The following ARFGAP1 variants were observed in gnomAD, a reference collection of about 807,000 sequenced individuals.
The protein encoded by ARFGAP1 is ARF GTPase activating protein 1, also known as ADP-ribosylation factor GTPase-activating protein 1.
In ARFGAP1, 26 loss-of-function variants were observed where a neutral mutation model predicts 54.0. The observed-to-expected ratio is 0.48, with a 90% confidence interval of 0.35 to 0.67. The LOEUF (loss-of-function observed/expected upper bound fraction) is 0.67, where lower values mean the gene tolerates loss of function less well. ARFGAP1 is among the 30% of genes least tolerant of loss of function. ARFGAP1 has a pLI of 0.00. For missense variants in ARFGAP1, 525 were observed against 535.8 expected (o/e 0.98, Z 0.20); for synonymous variants, 248 against 211.9 (o/e 1.17, Z -1.48).
chr20:63,277,104 G>A (rs1199162988), intron 4 of ARFGAP1, 101 bp from the exon 5 acceptor site: 4 of 969,782 alleles, frequency 4.1e-6, no homozygotes, highest in Non-Finnish European at 3.1e-6. Context: ...GCGGGTGGTG[G>A]GTGCTCCAGG....
intron 12 of ARFGAP1, among the ~76,000 whole-genome samples, chr20:63,287,274 C>G (rs1306570995): frequency 6.6e-6 from 1 of 152,266 alleles, no homozygotes; most frequent in African/African-American, 2.4e-5. Context: ...CTTGACTAAA[C>G]CACTGTTTTA....
Position 63,285,636 on chromosome 20 carries a change from C to T in ARFGAP1, c.775-18C>T, listed in dbSNP as rs2067513427. ...ATCTCTCCCGCCCCCATTAATGCCG[C>T]TGTCTTCATCCGTGCAGGTGAAGGA... is the stretch of plus-strand genomic sequence containing the variant. On this transcript the variant is annotated intron_variant, in intron 10 of 12. Coordinates refer to ENST00000370283, the MANE Select transcript of ARFGAP1 (RefSeq NM_018209.4). 1 of 1,613,020 alleles carries T rather than the reference C, an allele frequency of 6.2e-7. No individual in the cohort carries two copies. Among genetic ancestry groups the T allele is most frequent in the African/African-American group, 1.3e-5 (1 of 74,926 alleles).
In ARFGAP1 at chr20:63,279,123, TC is replaced by T. The variant is rs1027870065; in HGVS notation, c.627+131del. On this transcript the variant is annotated intron_variant, in intron 7 of 12. Transcript: ENST00000370283. Reference sequence around the variant, plus strand: ...TGCCTTGTTCTGATCTAAGGACCCCTCCCTTACCTTCAGCGACGTTTTCTTT... The same window carrying T: ...TGCCTTGTTCTGATCTAAGGACCCCTCCTTACCTTCAGCGACGTTTTCTTT... 2.0e-4 allele frequency: 185 copies of T among 929,978 alleles called. 3 individuals are homozygous for T. The Middle Eastern group carries it at 7.7e-3, about 39-fold the overall frequency. 57.6% of individuals were successfully genotyped at this position (929,978 alleles called of 1,614,324 possible).
rs2067634355 is a variant in ARFGAP1 at position 63,288,730 on chromosome 20, C to T, written c.*857C>T. 1.4e-5 allele frequency: 5 copies of T among 351,150 alleles called. No individual in the cohort carries two copies. The Admixed American group carries it at 1.5e-4, about 11-fold the overall frequency. The allele number at this position is 351,150 out of a possible 1,614,324, so 21.8% of individuals were successfully genotyped here. On this transcript the variant is annotated 3_prime_UTR_variant, in exon 13 of 13. Transcript: ENST00000370283. ...GTGCCTGGGTCTAGGGAAGCTCCAG[C>T]CCCAGGATGGGGCTGCCCTGCACAC... is the stretch of plus-strand genomic sequence containing the variant.
chr20:63,281,984 C>CA (rs1351092722), intron 8 of ARFGAP1, among the ~76,000 whole-genome samples: 2 of 152,172 alleles, frequency 1.3e-5, no homozygotes, highest in African/African-American at 2.4e-5. Context: ...GAGTGGAAGT[C>CA]ACGGTGCGCA....
intron 2 of ARFGAP1, 96 bp downstream of exon 2, chr20:63,275,736 T>C (rs1601332545): frequency 8.3e-7 from 1 of 1,204,176 alleles, no homozygotes. Flanking sequence ...GGGACCCTCC[T>C]GCAGTGGATG....
rs1315607885 is a variant in ARFGAP1, at chr20:63,288,937, G to A, written c.*1064G>A. On this transcript the variant is annotated 3_prime_UTR_variant, in exon 13 of 13. Coordinates refer to ENST00000370283, the MANE Select transcript of ARFGAP1 (RefSeq NM_018209.4). Reference sequence around the variant, plus strand: ...CCCTGCCACCATGCTCATCACTCTGGCCTTGGCCATGCTCCCTGGTCACCC... The same window carrying A: ...CCCTGCCACCATGCTCATCACTCTGACCTTGGCCATGCTCCCTGGTCACCC... 4.5e-6 allele frequency: 1 copy of A among 221,174 alleles called. No individual in the cohort carries two copies. The highest frequency in any genetic ancestry group is 1.0e-4 in the East Asian group (1 of 9,546). 13.7% of individuals were successfully genotyped at this position (221,174 alleles called of 1,614,324 possible).
rs145541312 is a variant in ARFGAP1 at position 63,275,667 on chromosome 20, C to T, written c.60+27C>T. 38 of 1,608,718 alleles carry T rather than the reference C, an allele frequency of 2.4e-5. No individual in the cohort carries two copies. The African/African-American group carries it at 4.8e-4, about 20-fold the overall frequency. On this transcript the variant is annotated intron_variant, in intron 2 of 12. Transcript: ENST00000370283. ...TAAGCCTCTGCCCCCCACCCCCCGC[C>T]CTAAGGCTTGGTCAGGGTCAGTGAG...
chr20:63,279,372 A>AT, intron 7 of ARFGAP1: 1 of 358,528 alleles, frequency 2.8e-6, no homozygotes, highest in South Asian at 2.1e-5. Flanking sequence ...CGTCAGGCTA[A>AT]TTTTTGTATT....
At chr20:63,285,278 G>C (rs2067500805) in intron 10 of ARFGAP1, among the ~76,000 whole-genome samples, 1 of 152,196 alleles carries the variant, frequency 6.6e-6, no homozygotes, top group Non-Finnish European at 1.5e-5. Flanking sequence ...GCCCAGAGGA[G>C]GCTCTGGTAT....
chr20:63,276,060 A>G lies in ARFGAP1; in HGVS notation c.61-31A>G, dbSNP rs1380382884. 5 of 1,604,916 alleles carry G rather than the reference A, an allele frequency of 3.1e-6. No homozygotes were observed. The highest frequency in any genetic ancestry group is 4.3e-6 in the Non-Finnish European group (5 of 1,172,258). ...GGGTCCCTGGGCTCTGCCCTGAGCCACCTGGTGAGTCACTTGTGGCCCCTT... is the reference window on the plus strand; with the variant it reads ...GGGTCCCTGGGCTCTGCCCTGAGCCGCCTGGTGAGTCACTTGTGGCCCCTT... On this transcript the variant is annotated intron_variant, in intron 2 of 12. Coordinates refer to ENST00000370283, the MANE Select transcript of ARFGAP1 (RefSeq NM_018209.4). The surrounding 1 kb of genome is among the most constrained non-coding windows in gnomAD (Gnocchi z 5.2).
chr20:63,277,165 G>C, intron 4 of ARFGAP1, 40 bp from the exon 5 acceptor site: 5 of 1,575,484 alleles, frequency 3.2e-6, no homozygotes, highest in Non-Finnish European at 4.3e-6. Context: ...GCATCGCCAG[G>C]CGCCTTTATG....
chr20:63,279,314 T>C, intron 7 of ARFGAP1: 1 of 451,810 alleles, frequency 2.2e-6, no homozygotes, highest in Non-Finnish European at 4.2e-6. Context: ...CAGGTGATTC[T>C]CCTGCCTCAG....
At chr20:63,284,583 C>G (rs986770110) in intron 9 of ARFGAP1, 1 of 1,300,528 alleles carries the variant, frequency 7.7e-7, no homozygotes, top group East Asian at 3.5e-5. Context: ...CCCACCAGCC[C>G]GGCCCGGCAG....
intron 5 of ARFGAP1, among the ~76,000 whole-genome samples, chr20:63,277,577 C>A (rs2067266601): frequency 6.6e-6 from 1 of 152,230 alleles, no homozygotes; most frequent in African/African-American, 2.4e-5. Context: ...TGTGGGAGTT[C>A]ACATCTCCAT....
chr20:63,285,436 A>C, intron 10 of ARFGAP1: 1 of 598,640 alleles, frequency 1.7e-6, no homozygotes, highest in Non-Finnish European at 3.0e-6. Context: ...AGTGGCCGGC[A>C]GGGGCCACGT....
intron 5 of ARFGAP1, 31 bp downstream of exon 5, chr20:63,277,336 T>A: frequency 1.3e-6 from 2 of 1,581,564 alleles, no homozygotes; most frequent in Non-Finnish European, 1.7e-6. Context: ...CTTAGTACAG[T>A]TTCCACTGGG....
chr20:63,283,196 T>G, intron 9 of ARFGAP1: 2 of 421,348 alleles, frequency 4.7e-6, no homozygotes, highest in Non-Finnish European at 8.7e-6. Context: ...GAAGGGCCGC[T>G]GTGGTTGGTG....
chr20:63,281,160 G>C (rs6090341), intron 7 of ARFGAP1, 131 bp from the exon 8 acceptor site: 2 of 902,178 alleles, frequency 2.2e-6, no homozygotes, highest in Non-Finnish European at 3.3e-6. Context: ...AAGCAGGCGC[G>C]GTGGGGTCAG....
Sources: allele counts gnomAD v4.1 joint callset (sites outside exome capture counted in the v4.1 genomes callset), GRCh38; gene constraint gnomAD v4.1.1; non-coding constraint Gnocchi (gnomAD v3.1); transcripts MANE v1.5; gene names NCBI Gene and HGNC (gene_info 2026-07-23, HGNC 2026-07-21).